Variants in MRPS31 observed in about 807,000 individuals in gnomAD.
MRPS31 encodes small ribosomal subunit protein mS31.
Under a neutral mutation model 43.1 loss-of-function variants are expected in MRPS31, and 32 were observed. The ratio of observed to expected loss-of-function variants is 0.74; its 90% CI spans 0.56 to 1.00. The LOEUF (loss-of-function observed/expected upper bound fraction) is 1.00. Ranked by LOEUF, MRPS31 falls within the 50% of genes least tolerant of loss-of-function variation. The probability of loss-of-function intolerance (pLI) is 0.00; values close to 1 mark genes in which losing one functional copy is unlikely to be tolerated. For synonymous variants in MRPS31, 165 were observed against 161.6 expected (o/e 1.02, Z -0.16); for missense variants, 437 against 466.7 (o/e 0.94, Z 0.59).
intron 6 of MRPS31, among the ~76,000 whole-genome samples, chr13:40,738,733 C>T (rs948444371): frequency 3.8e-4 from 58 of 151,222 alleles, no homozygotes; most frequent in African/African-American, 1.3e-3. Flanking sequence ...TGACAAAATT[C>T]AACAACCTTC....
At chr13:40,759,957 T>G (rs939649700) in intron 2 of MRPS31, among the ~76,000 whole-genome samples, 53 of 151,612 alleles carry the variant, frequency 3.5e-4, no homozygotes, top group African/African-American at 1.2e-3. Context: ...GTGAAAGAAG[T>G]TGGACACAAA....
chr13:40,762,039 C>A (rs572549266), intron 2 of MRPS31, among the ~76,000 whole-genome samples: 104 of 151,552 alleles, frequency 6.9e-4, no homozygotes, highest in Middle Eastern at 3.4e-3. Flanking sequence ...TCCAGGAGTT[C>A]ATGACCAGCC....
intron 6 of MRPS31, among the ~76,000 whole-genome samples, chr13:40,729,886 C>G (rs544861938): frequency 2.6e-4 from 39 of 151,958 alleles, no homozygotes; most frequent in African/African-American, 7.2e-4. Context: ...TGTACCACCA[C>G]GCCCAGCTAA....
rs74386471 is a variant in MRPS31 at position 40,734,232 on chromosome 13, C to T, written c.959-4631G>A. On this transcript the variant is annotated intron_variant, in intron 6 of 6. Coordinates refer to ENST00000323563, the MANE Select transcript of MRPS31 (RefSeq NM_005830.4). ...GACAGAGGAAAGATATTTTATATAT[C>T]AAGGGTCTCAAAGCATGTGCTTCAA... 2.0e-3 allele frequency among the ~76,000 whole-genome samples: 306 copies of T among 152,192 alleles called. 4 individuals carry two copies. In the East Asian group the frequency reaches 0.048, roughly 24 times the overall value.
chr13:40,759,521 GA>G (rs1484830182), intron 2 of MRPS31, among the ~76,000 whole-genome samples: 4 of 152,122 alleles, frequency 2.6e-5, no homozygotes, highest in Non-Finnish European at 4.4e-5. Context: ...AGTGAAAAGT[GA>G]AATGATTTTT....
At chr13:40,745,463 G>A (rs1166891145) in intron 6 of MRPS31, among the ~76,000 whole-genome samples, 4 of 152,126 alleles carry the variant, frequency 2.6e-5, no homozygotes, top group African/African-American at 9.7e-5. Flanking sequence ...TGTTGGCCAG[G>A]CTGGTCTTGA....
chr13:40,733,844 C>T (rs1194595420), intron 6 of MRPS31, among the ~76,000 whole-genome samples: 3 of 149,692 alleles, frequency 2.0e-5, no homozygotes, highest in Non-Finnish European at 3.0e-5. Flanking sequence ...TGGTGGTGGG[C>T]GCCTGTATGG....
intron 6 of MRPS31, among the ~76,000 whole-genome samples, chr13:40,745,518 C>G (rs770118853): frequency 2.6e-5 from 4 of 152,194 alleles, no homozygotes; most frequent in Non-Finnish European, 4.4e-5. Context: ...TCCCAAAGTT[C>G]TGGGATTACA....
chr13:40,760,150 A>AAC (rs1555260011), intron 2 of MRPS31, among the ~76,000 whole-genome samples: 82 of 151,100 alleles, frequency 5.4e-4, no homozygotes, highest in African/African-American at 1.6e-3. Context: ...AAAAAAAAAA[A>AAC]AAAAAACTGT....
rs746012267 is a variant in MRPS31 at position 40,758,955 on chromosome 13, T to G, written c.592A>C (p.Lys198Gln). The change falls in exon 3 of 7, where the codon AAA (lysine) becomes CAA (glutamine). Residue 198 changes from lysine to glutamine, a missense_variant. Lys to Gln is a moderately conservative substitution (Grantham distance 53, BLOSUM62 1). Transcript: ENST00000323563. ...AGGGTTTGATTCACTCACCTAATTT[T>G]AGGTCGCTTTGCATCTCTCTGTGCC... Reference protein sequence around the residue: ...SRAQRDAKRPKISFSNIISDM... With the variant: ...SRAQRDAKRPQISFSNIISDM... 1 of 1,576,850 alleles carries G rather than the reference T, an allele frequency of 6.3e-7. No homozygotes were observed. Among genetic ancestry groups the G allele is most frequent in the South Asian group, 1.2e-5 (1 of 84,672 alleles).
At chr13:40,753,422 TAATC>T (rs1880444655) in intron 5 of MRPS31, among the ~76,000 whole-genome samples, 2 of 152,226 alleles carry the variant, frequency 1.3e-5, no homozygotes, top group Admixed American at 1.3e-4. Context: ...CTGGATTCGG[TAATC>T]GGTAGTACTT....
intron 6 of MRPS31, among the ~76,000 whole-genome samples, chr13:40,735,332 A>C (rs1879859354): frequency 6.6e-6 from 1 of 152,230 alleles, no homozygotes; most frequent in Admixed American, 6.5e-5. Flanking sequence ...ATCAAACTGC[A>C]AGGCGGCAGT....
chr13:40,745,779 A>T (rs960905671), intron 6 of MRPS31, among the ~76,000 whole-genome samples: 3 of 152,066 alleles, frequency 2.0e-5, no homozygotes, highest in African/African-American at 4.8e-5. Context: ...CACCCCCATA[A>T]AAACCAACCT....
At chr13:40,734,984 C>A (rs1185468777) in intron 6 of MRPS31, among the ~76,000 whole-genome samples, 3 of 152,166 alleles carry the variant, frequency 2.0e-5, no homozygotes, top group Non-Finnish European at 2.9e-5. Flanking sequence ...CTGAGCGACG[C>A]AGAAGACGGG....
At chr13:40,732,226 A>G (rs1442902875) in intron 6 of MRPS31, among the ~76,000 whole-genome samples, 1 of 152,206 alleles carries the variant, frequency 6.6e-6, no homozygotes, top group Non-Finnish European at 1.5e-5. Flanking sequence ...TTCCTTCCCA[A>G]TTCCTCTCAA....
In MRPS31 at chr13:40,754,425, T is replaced by C. The variant is rs182981719; in HGVS notation, c.741-333A>G. ...TCCATGTTGTGAAAAACTATAACCATGCCAAAATAGAAGCTGTTAAACTCA... is the reference window on the plus strand; with the variant it reads ...TCCATGTTGTGAAAAACTATAACCACGCCAAAATAGAAGCTGTTAAACTCA... On this transcript the variant is annotated intron_variant, in intron 4 of 6. Coordinates refer to ENST00000323563, the MANE Select transcript of MRPS31 (RefSeq NM_005830.4). 9.8e-5 allele frequency among the ~76,000 whole-genome samples: 15 copies of C among 152,334 alleles called. No individual in the cohort carries two copies. The East Asian group carries it at 2.3e-3, about 23-fold the overall frequency.
intron 5 of MRPS31, among the ~76,000 whole-genome samples, chr13:40,750,010 T>C (rs1880340774): frequency 6.6e-6 from 1 of 152,180 alleles, no homozygotes; most frequent in South Asian, 2.1e-4. Flanking sequence ...GTTTCATCCC[T>C]GGATATATTC....
intron 4 of MRPS31, among the ~76,000 whole-genome samples, chr13:40,754,981 C>T (rs1259624953): frequency 6.6e-6 from 1 of 152,202 alleles, no homozygotes; most frequent in Non-Finnish European, 1.5e-5. Context: ...TTGCAGTGAG[C>T]CGACATTGTG....
chr13:40,746,544 C>T (rs1368690658), intron 6 of MRPS31, among the ~76,000 whole-genome samples: 1 of 152,030 alleles, frequency 6.6e-6, no homozygotes, highest in Non-Finnish European at 1.5e-5. Flanking sequence ...TGTTTCTCTC[C>T]TTTTTTAGAA....
Sources: allele counts gnomAD v4.1 joint callset (sites outside exome capture counted in the v4.1 genomes callset), GRCh38; gene constraint gnomAD v4.1.1; transcripts MANE v1.5; gene names NCBI Gene and HGNC (gene_info 2026-07-23, HGNC 2026-07-21).